The following WDFY3 variants were observed in gnomAD, a reference collection of about 807,000 sequenced individuals.
The protein encoded by WDFY3 is WD repeat and FYVE domain containing 3.
Under a neutral mutation model 409.6 loss-of-function variants are expected in WDFY3, and 66 were observed. The observed-to-expected ratio is 0.16, with a 90% confidence interval of 0.13 to 0.20. The LOEUF (loss-of-function observed/expected upper bound fraction) is 0.20, where lower values mean the gene tolerates loss of function less well. WDFY3 is among the 10% of genes least tolerant of loss of function. The pLI, the probability that WDFY3 is intolerant of heterozygous loss-of-function variation, is 1.00. For synonymous variants in WDFY3, 1,521 were observed against 1,537.1 expected, an observed-to-expected ratio of 0.99 and a Z score of 0.25; for missense variants, 3,031 against 4,298.1, an observed-to-expected ratio of 0.71 and a Z score of 8.24.
intron 3 of WDFY3, among the ~76,000 whole-genome samples, chr4:84,874,567 G>A (rs1395857896): frequency 6.6e-6 from 1 of 152,122 alleles, no homozygotes; most frequent in Non-Finnish European, 1.5e-5. Flanking sequence ...CTGCCACACT[G>A]AAAGTATCTC....
chr4:84,949,783 C>T (rs1361403837), intron 1 of WDFY3, among the ~76,000 whole-genome samples: 1 of 152,156 alleles, frequency 6.6e-6, no homozygotes, highest in East Asian at 1.9e-4. Context: ...GCCAAAAAAA[C>T]TACCAAGTAG....
At chr4:84,760,103 CATTT>C (rs1319750896) in intron 32 of WDFY3, among the ~76,000 whole-genome samples, 2 of 151,068 alleles carry the variant, frequency 1.3e-5, no homozygotes, top group African/African-American at 4.9e-5. Flanking sequence ...TGCTGGATGA[CATTT>C]ATTGATTTGC....
rs994707857 is a variant in WDFY3 at position 84,717,032 on chromosome 4, A to G, written c.7755-16T>C. On this transcript the variant is annotated splice_polypyrimidine_tract_variant and intron_variant, in intron 48 of 67. Transcript: ENST00000295888. ...CTCATGCATACTACAGGCAGCCAAG[A>G]GAAAAAGCAAATAAAAACACAGCAA... 1.3e-6 allele frequency: 2 copies of G among 1,552,442 alleles called. No homozygotes were observed. The highest frequency in any genetic ancestry group is 2.0e-5 in the Admixed American group (1 of 50,114).
rs754985210 is a variant in WDFY3 at position 84,796,781 on chromosome 4, A to G, written c.2936-29T>C. ...TAAGTCAAGGAAATCTCTTGGGAAA[A>G]TGTCATATGGAATTTCAAAATAACT... is the stretch of plus-strand genomic sequence containing the variant. On this transcript the variant is annotated intron_variant, in intron 18 of 67. Transcript: ENST00000295888. The G allele has an allele frequency of 4.5e-6, 7 of 1,559,050 alleles. No individual in the cohort carries two copies. The East Asian group carries it at 1.6e-4, about 36-fold the overall frequency.
At chr4:84,926,538 C>T (rs1002175495) in intron 2 of WDFY3, among the ~76,000 whole-genome samples, 2 of 152,102 alleles carry the variant, frequency 1.3e-5, no homozygotes, top group Admixed American at 1.3e-4. Context: ...GAGTTCCCTT[C>T]CAGCTTTTTA....
At chr4:84,811,467 C>T (rs1253272483) in intron 13 of WDFY3, among the ~76,000 whole-genome samples, 1 of 151,974 alleles carries the variant, frequency 6.6e-6, no homozygotes, top group South Asian at 2.1e-4. Flanking sequence ...GAATTGAGGC[C>T]CAATGTGGTA....
intron 2 of WDFY3, among the ~76,000 whole-genome samples, chr4:84,921,451 A>G (rs1769259671): frequency 6.6e-6 from 1 of 152,040 alleles, no homozygotes; most frequent in Admixed American, 6.6e-5. Context: ...TTAAAATGTT[A>G]GCATTTTAAG....
At chr4:84,886,391 A>C (rs985820882) in intron 3 of WDFY3, 1 of 150,748 alleles carries the variant, frequency 6.6e-6, no homozygotes. Context: ...TTTTTCCTTT[A>C]ATGGAATGCT....
Position 84,786,243 on chromosome 4 carries a change from TA to T in WDFY3, c.3902-105del, listed in dbSNP as rs908545527. 6.8e-5 allele frequency: 76 copies of T among 1,112,198 alleles called. No homozygotes were observed. In the Admixed American group the frequency reaches 2.3e-3, roughly 34 times the overall value. 68.9% of individuals were successfully genotyped at this position (1,112,198 alleles called of 1,614,324 possible). On this transcript the variant is annotated intron_variant, in intron 23 of 67. Coordinates refer to ENST00000295888, the MANE Select transcript of WDFY3 (RefSeq NM_014991.6). Reference sequence around the variant, plus strand: ...TTTAAATGAGGAGGCTTGAAAGTCTTAAAGTAGAATAAGAGAGGTAAATTTA... The same window carrying T: ...TTTAAATGAGGAGGCTTGAAAGTCTTAAGTAGAATAAGAGAGGTAAATTTA...
intron 41 of WDFY3, among the ~76,000 whole-genome samples, 183 bp from the exon 42 acceptor site, chr4:84,736,510 C>T (rs952594089): frequency 7.3e-5 from 11 of 151,060 alleles, no homozygotes; most frequent in African/African-American, 1.9e-4. Flanking sequence ...GATGACTGCT[C>T]GCAAATTGTA....
chr4:84,702,310 T>C (rs1731186584), intron 56 of WDFY3, 43 bp downstream of exon 56: 2 of 1,513,912 alleles, frequency 1.3e-6, no homozygotes, highest in South Asian at 2.7e-5. Context: ...TATTGGACTT[T>C]TCCTGGCTAA....
intron 66 of WDFY3, 39 bp from the exon 67 acceptor site, chr4:84,677,435 G>C (rs377409683): frequency 6.6e-7 from 1 of 1,515,136 alleles, no homozygotes; most frequent in South Asian, 1.3e-5. Flanking sequence ...TGCACGGAAG[G>C]CTTCTGTGAT....
At chr4:84,849,172 T>C (rs919692227) in intron 5 of WDFY3, among the ~76,000 whole-genome samples, 1 of 151,960 alleles carries the variant, frequency 6.6e-6, no homozygotes, top group African/African-American at 2.4e-5. Flanking sequence ...TGAAAAGGCA[T>C]CCCAGGACAA....
At chr4:84,785,875 T>G in intron 24 of WDFY3, 104 bp downstream of exon 24, 1 of 1,396,602 alleles carries the variant, frequency 7.2e-7, no homozygotes, top group East Asian at 2.4e-5. Flanking sequence ...ATGAAAGGCA[T>G]GATTTTTAGC....
intron 1 of WDFY3, among the ~76,000 whole-genome samples, chr4:84,952,717 A>G (rs764381620): frequency 1.3e-5 from 2 of 152,178 alleles, no homozygotes; most frequent in Non-Finnish European, 2.9e-5. Flanking sequence ...AAAAAATAAA[A>G]CAGCAAAATA....
intron 62 of WDFY3, among the ~76,000 whole-genome samples, chr4:84,687,049 T>G (rs1351024491): frequency 2.0e-5 from 3 of 152,250 alleles, no homozygotes; most frequent in Non-Finnish European, 4.4e-5. Flanking sequence ...AATAGCTATA[T>G]AAGAATTTTT....
chr4:84,704,270 T>C (rs1731556568), intron 55 of WDFY3, 68 bp downstream of exon 55: 1 of 1,149,796 alleles, frequency 8.7e-7, no homozygotes, highest in Non-Finnish European at 1.2e-6. Context: ...AATGATGTTT[T>C]AAAAGGTGAC....
At chr4:84,676,082 A>G (rs1726235578) in intron 67 of WDFY3, among the ~76,000 whole-genome samples, 1 of 152,220 alleles carries the variant, frequency 6.6e-6, no homozygotes, top group Non-Finnish European at 1.5e-5. Flanking sequence ...TGTGACTACA[A>G]CCAGTTTAAA....
chr4:84,773,872 C>G (rs1035723589), intron 29 of WDFY3, among the ~76,000 whole-genome samples: 2 of 152,116 alleles, frequency 1.3e-5, no homozygotes, highest in Admixed American at 6.5e-5. Context: ...AGGTGCCCAC[C>G]ACCATGCCTG....
Sources: gnomAD v4.1 joint callset for allele counts (sites outside exome capture counted in the v4.1 genomes callset) on GRCh38, gnomAD v4.1.1 for gene constraint, MANE v1.5 for transcripts, NCBI Gene and HGNC (gene_info 2026-07-23, HGNC 2026-07-21) for gene names.